TMEM132B: variants seen among roughly 807,000 people sequenced by gnomAD.
TMEM132B encodes the protein transmembrane protein 132B.
In TMEM132B, 18 loss-of-function variants were observed where a neutral mutation model predicts 90.8. That is an observed-to-expected ratio of 0.20 (90% CI 0.14 to 0.29). The LOEUF (loss-of-function observed/expected upper bound fraction) is 0.29. TMEM132B is among the 10% of genes least tolerant of loss of function. TMEM132B has a pLI of 1.00. For missense variants in TMEM132B, 1,096 were observed against 1,326.8 expected (o/e 0.83, Z 2.70); for synonymous variants, 504 against 523.3 (o/e 0.96, Z 0.50).
Position 125,557,509 on chromosome 12 carries a change from TTATC to T in TMEM132B, c.1294-26334_1294-26331del, listed in dbSNP as rs1475512760. On this transcript the variant is annotated intron_variant, in intron 4 of 8. Transcript: ENST00000682704. ...AATCTATCTTATCAATCTATCTTATTTATCTATCTATTATCACTAATCTATCTAC... is the reference window on the plus strand; with the variant it reads ...AATCTATCTTATCAATCTATCTTATTTATCTATTATCACTAATCTATCTAC... Among the ~76,000 whole-genome samples, 7 of 152,344 alleles carry T rather than the reference TTATC, an allele frequency of 4.6e-5. No individual in the cohort carries two copies. In the East Asian group the frequency reaches 7.7e-4, roughly 17 times the overall value.
chr12:125,405,233 A>C (rs1042672011), intron 2 of TMEM132B, among the ~76,000 whole-genome samples: 15 of 152,186 alleles, frequency 9.9e-5, no homozygotes, highest in African/African-American at 3.1e-4. Flanking sequence ...TGTTGCTGGC[A>C]GTCCTTCATA....
At chr12:125,628,399 T>G (rs1490885641) in intron 5 of TMEM132B, among the ~76,000 whole-genome samples, 1 of 152,200 alleles carries the variant, frequency 6.6e-6, no homozygotes, top group Non-Finnish European at 1.5e-5. Context: ...TGATGATCAG[T>G]GATGTTGAAC....
At chr12:125,198,563 T>C (rs1468260037) in intron 1 of TMEM132B, among the ~76,000 whole-genome samples, 1 of 152,228 alleles carries the variant, frequency 6.6e-6, no homozygotes, top group Non-Finnish European at 1.5e-5. Flanking sequence ...GGTCATGTGC[T>C]GACCCCTCAG....
At chr12:125,413,423 G>A (rs1375343891) in intron 2 of TMEM132B, among the ~76,000 whole-genome samples, 1 of 151,850 alleles carries the variant, frequency 6.6e-6, no homozygotes, top group Non-Finnish European at 1.5e-5. Context: ...CACCATCTTT[G>A]TTTACTTCCA....
intron 5 of TMEM132B, among the ~76,000 whole-genome samples, chr12:125,602,454 A>T (rs901545577): frequency 1.3e-5 from 2 of 152,134 alleles, no homozygotes; most frequent in Admixed American, 1.3e-4. Flanking sequence ...GGTATTGATG[A>T]AACATATCTC....
chr12:125,336,881 T>C (rs1219986939), intron 1 of TMEM132B, among the ~76,000 whole-genome samples: 1 of 152,250 alleles, frequency 6.6e-6, no homozygotes, highest in African/African-American at 2.4e-5. Context: ...CTGTCAAGAT[T>C]ACTCAGTGAA....
chr12:125,544,946 G>C (rs1884051266), intron 4 of TMEM132B, among the ~76,000 whole-genome samples: 1 of 152,216 alleles, frequency 6.6e-6, no homozygotes, highest in South Asian at 2.1e-4. Context: ...ATGACACTGG[G>C]TGAACAGAAC....
chr12:125,388,859 TA>T (rs1878922593), intron 2 of TMEM132B, among the ~76,000 whole-genome samples: 1 of 152,234 alleles, frequency 6.6e-6, no homozygotes, highest in Non-Finnish European at 1.5e-5. Flanking sequence ...TATTCATTCT[TA>T]TTTTATACTT....
At position 125,408,110 on chromosome 12, in the gene TMEM132B, G is replaced by T. The variant is rs1195216136; in HGVS notation, c.960-7421G>T. On this transcript the variant is annotated intron_variant, in intron 2 of 8. Transcript: ENST00000682704. This position sits in a 1 kb window ranked among gnomAD's most constrained non-coding sequence, Gnocchi z 5.9. ...TGTGTGCCTGCTTCTGACTTTCCAC[G>T]AACGGAATTGCACAGTGCGCGCTTT... 6.6e-6 allele frequency among the ~76,000 whole-genome samples: 1 copy of T among 152,172 alleles called. No homozygotes were observed. The highest frequency in any genetic ancestry group is 2.4e-5 in the African/African-American group (1 of 41,428).
At chr12:125,540,449 T>G (rs1165681823) in intron 4 of TMEM132B, among the ~76,000 whole-genome samples, 3 of 152,236 alleles carry the variant, frequency 2.0e-5, no homozygotes, top group Admixed American at 2.0e-4. Context: ...TGTTTTTTGT[T>G]GTAGTTCTAT....
rs1873375666 is a variant in TMEM132B at position 125,213,830 on chromosome 12, A to G, written c.67+26964A>G. Among the ~76,000 whole-genome samples, 1 of 152,252 alleles carries G rather than the reference A, an allele frequency of 6.6e-6. No homozygotes were observed. The highest frequency in any genetic ancestry group is 2.4e-5 in the African/African-American group (1 of 41,468). ...GGTTCCTTGTGGCCAGTGCCAGGTT[A>G]GAATCTACTTTACAAAAATGGCAGA... On this transcript the variant is annotated intron_variant, in intron 1 of 8. Transcript: ENST00000682704. This position sits in a 1 kb window ranked among gnomAD's most constrained non-coding sequence, Gnocchi z 4.2.
At chr12:125,324,362 C>T (rs1313354268) in intron 1 of TMEM132B, among the ~76,000 whole-genome samples, 1 of 152,204 alleles carries the variant, frequency 6.6e-6, no homozygotes, top group Non-Finnish European at 1.5e-5. Flanking sequence ...AAGAACCTTG[C>T]AGGTGTGTCA....
At chr12:125,510,351 C>T (rs1206974902) in intron 3 of TMEM132B, among the ~76,000 whole-genome samples, 7 of 152,154 alleles carry the variant, frequency 4.6e-5, no homozygotes, top group Admixed American at 4.6e-4. Context: ...AAGTACTTTA[C>T]ACATTTTAAA....
At chr12:125,464,652 C>T (rs1328065789) in intron 3 of TMEM132B, among the ~76,000 whole-genome samples, 1 of 152,204 alleles carries the variant, frequency 6.6e-6, no homozygotes, top group Non-Finnish European at 1.5e-5. Context: ...AAGTCAATCT[C>T]TGCATACACT....
At chr12:125,535,262 T>C (rs780543802) in intron 4 of TMEM132B, among the ~76,000 whole-genome samples, 9 of 152,212 alleles carry the variant, frequency 5.9e-5, no homozygotes, top group Non-Finnish European at 1.2e-4. Flanking sequence ...ATGGCCCCTT[T>C]GTGTTGAGAA....
chr12:125,565,949 T>A (rs1387224732), intron 4 of TMEM132B, among the ~76,000 whole-genome samples: 1 of 152,212 alleles, frequency 6.6e-6, no homozygotes, highest in East Asian at 1.9e-4. Flanking sequence ...ACCCAGTATT[T>A]CCCTGTTTCT....
At chr12:125,314,259 AACGAGGGCTC>A (rs1876199287) in intron 1 of TMEM132B, among the ~76,000 whole-genome samples, 1 of 152,184 alleles carries the variant, frequency 6.6e-6, no homozygotes, top group South Asian at 2.1e-4. Flanking sequence ...TGGAAACAGT[AACGAGGGCTC>A]ACCTTCTTGG....
intron 1 of TMEM132B, among the ~76,000 whole-genome samples, chr12:125,346,697 C>A (rs1593096840): frequency 6.6e-6 from 1 of 152,248 alleles, no homozygotes; most frequent in South Asian, 2.1e-4. Context: ...TCTTCAAAAT[C>A]ATTTCTCCCT....
chr12:125,299,334 G>T (rs1356338368), intron 1 of TMEM132B, among the ~76,000 whole-genome samples: 3 of 152,046 alleles, frequency 2.0e-5, no homozygotes, highest in African/African-American at 4.8e-5. Flanking sequence ...TCACTCACTG[G>T]CTTACTTCCT....
Sources: gnomAD v4.1 joint callset for allele counts (sites outside exome capture counted in the v4.1 genomes callset) on GRCh38, gnomAD v4.1.1 for gene constraint, Gnocchi (gnomAD v3.1) non-coding constraint, MANE v1.5 for transcripts, NCBI Gene and HGNC (gene_info 2026-07-23, HGNC 2026-07-21) for gene names.